The following EPS15L1 variants were observed in gnomAD, a reference collection of about 807,000 sequenced individuals.
EPS15L1 encodes epidermal growth factor receptor substrate 15-like 1.
A neutral mutation model predicts 117.1 loss-of-function variants in EPS15L1; 43 were observed. The observed-to-expected ratio is 0.37, with a 90% CI of 0.29 to 0.47. The LOEUF is 0.47. Ranked by LOEUF, EPS15L1 falls within the 20% of genes least tolerant of loss-of-function variation. The pLI is 0.99. For synonymous variants in EPS15L1, 459 were observed against 470.5 expected, an observed-to-expected ratio of 0.98 and a Z score of 0.32; for missense variants, 981 against 1,164.0, an observed-to-expected ratio of 0.84 and a Z score of 2.29.
chr19:16,361,562 G>T, intron 23 of EPS15L1: 4 of 1,308,018 alleles, frequency 3.1e-6, no homozygotes, highest in Non-Finnish European at 3.9e-6. Context: ...GTGCCCTTAT[G>T]ATAGAGCATC....
chr19:16,439,071 TC>T (rs1415077392), intron 4 of EPS15L1, among the ~76,000 whole-genome samples: 14 of 139,248 alleles, frequency 1.0e-4, no homozygotes, highest in South Asian at 9.2e-4. Flanking sequence ...TTGTTTTTTT[TC>T]TGTTTTTTTT....
At chr19:16,367,984 A>AGAGAGT (rs751127564) in intron 22 of EPS15L1, among the ~76,000 whole-genome samples, 7 of 151,292 alleles carry the variant, frequency 4.6e-5, no homozygotes, top group Admixed American at 2.6e-4. Context: ...AGAGAGAGAG[A>AGAGAGT]GTGTGTGTGT....
At chr19:16,364,358 G>A (rs554322600) in intron 22 of EPS15L1, among the ~76,000 whole-genome samples, 5 of 152,304 alleles carry the variant, frequency 3.3e-5, no homozygotes, top group South Asian at 2.1e-4. Context: ...CTCTCCTTCC[G>A]ACAGCGCCTG....
intron 16 of EPS15L1, chr19:16,401,534 C>T (rs878999621): frequency 2.0e-6 from 2 of 985,656 alleles, no homozygotes; most frequent in Non-Finnish European, 2.4e-6. Flanking sequence ...CATGCGCGGC[C>T]CGGCCCATCC....
chr19:16,400,696 A>G (rs2092591907), intron 16 of EPS15L1: 1 of 985,344 alleles, frequency 1.0e-6, no homozygotes, highest in Non-Finnish European at 1.2e-6. Flanking sequence ...GCCAGTTGCA[A>G]GTTTCCATGT....
intron 22 of EPS15L1, 134 bp downstream of exon 22, chr19:16,376,988 G>T: frequency 8.7e-7 from 1 of 1,149,484 alleles, no homozygotes; most frequent in Non-Finnish European, 1.2e-6. Context: ...CAGCTGGGCC[G>T]GGGGGACCCT....
rs759781225 is a variant in EPS15L1, at chr19:16,404,582, A to C, written c.1428+6T>G. 3.1e-6 allele frequency: 5 copies of C among 1,613,786 alleles called. No homozygotes were observed. The highest frequency in any genetic ancestry group is 4.2e-6 in the Non-Finnish European group (5 of 1,179,974). The stretch of plus-strand genomic sequence containing the variant: ...GGGCGCTGCCCCGGAGGTGGCCGGG[A>C]CCCACCATCTGAGTCTCATCCTGGC... On this transcript the variant is annotated splice_donor_region_variant and intron_variant, in intron 14 of 23. Coordinates refer to ENST00000455140, the MANE Select transcript of EPS15L1 (RefSeq NM_001258374.3). This position sits in a 1 kb window ranked among gnomAD's most constrained non-coding sequence, Gnocchi z 4.2.
At chr19:16,421,248 C>T in intron 10 of EPS15L1, 71 bp downstream of exon 10, 1 of 1,517,074 alleles carries the variant, frequency 6.6e-7, no homozygotes, top group Non-Finnish European at 8.9e-7. Context: ...CTGACCACCA[C>T]CCTCCACAGT....
At chr19:16,458,126 C>T (rs2093214487) in intron 1 of EPS15L1, among the ~76,000 whole-genome samples, 1 of 152,148 alleles carries the variant, frequency 6.6e-6, no homozygotes, top group Admixed American at 6.5e-5. Context: ...GTGTTCCTGA[C>T]AGTGGGGGGT....
intron 16 of EPS15L1, 146 bp from the exon 17 acceptor site, chr19:16,395,613 G>A: frequency 1.2e-6 from 1 of 858,542 alleles, no homozygotes; most frequent in Non-Finnish European, 1.8e-6. Context: ...GGCTGGCCTG[G>A]GCAACATAGC....
intron 9 of EPS15L1, among the ~76,000 whole-genome samples, chr19:16,422,298 GGGCA>G: frequency 6.6e-6 from 1 of 152,322 alleles, no homozygotes; most frequent in African/African-American, 2.4e-5. Context: ...AGGCACTCAG[GGGCA>G]GGCCCCTTCC....
intron 6 of EPS15L1, chr19:16,435,060 C>CA (rs1169491164): frequency 6.6e-6 from 1 of 152,122 alleles, no homozygotes; most frequent in Non-Finnish European, 1.5e-5. Flanking sequence ...TCTCGTGCCT[C>CA]AGCACTCGTA....
At chr19:16,461,063 T>G (rs956857920) in intron 1 of EPS15L1, among the ~76,000 whole-genome samples, 68 of 152,016 alleles carry the variant, frequency 4.5e-4, no homozygotes, top group Admixed American at 2.0e-3. Context: ...CCCAGCACTT[T>G]GGGAGGCCGA....
At chr19:16,413,648 C>G in intron 13 of EPS15L1, 125 bp downstream of exon 13, 1 of 820,960 alleles carries the variant, frequency 1.2e-6, no homozygotes, top group Non-Finnish European at 2.0e-6. Context: ...TTCTGCAGCC[C>G]CCAAGAGCTC....
rs2092382015 is a variant in EPS15L1, at chr19:16,383,221, G to A, written c.2247+1908C>T. The stretch of plus-strand genomic sequence containing the variant: ...TGGCCCGGCACCGCCAATAGGAAGT[G>A]AGACCGGCTCTGAAATCACAGCTGC... On this transcript the variant is annotated intron_variant, in intron 21 of 23. Coordinates refer to ENST00000455140, the MANE Select transcript of EPS15L1 (RefSeq NM_001258374.3). This position sits in a 1 kb window ranked among gnomAD's most constrained non-coding sequence, Gnocchi z 5.2. 6.6e-6 allele frequency: 1 copy of A among 152,174 alleles called. No homozygotes were observed. Among genetic ancestry groups the A allele is most frequent in the Non-Finnish European group, 1.5e-5 (1 of 68,058 alleles). The allele number at this position is 152,174 out of a possible 1,614,324, so 9.4% of individuals were successfully genotyped here.
chr19:16,382,191 C>T (rs1568403682), intron 21 of EPS15L1, among the ~76,000 whole-genome samples: 1 of 152,214 alleles, frequency 6.6e-6, no homozygotes, highest in Non-Finnish European at 1.5e-5. Flanking sequence ...AGGCGACAGG[C>T]TTTCAATAAA....
At chr19:16,372,351 C>T (rs1208852929) in intron 22 of EPS15L1, among the ~76,000 whole-genome samples, 1 of 152,184 alleles carries the variant, frequency 6.6e-6, no homozygotes, top group African/African-American at 2.4e-5. Context: ...CTCAATTGAC[C>T]TTTAAACAAA....
intron 16 of EPS15L1, 60 bp from the exon 17 acceptor site, chr19:16,395,527 C>G: frequency 6.6e-7 from 1 of 1,521,438 alleles, no homozygotes; most frequent in Non-Finnish European, 9.1e-7. Context: ...AAGCAAAGTA[C>G]GGAATTCCAT....
chr19:16,361,728 G>A (rs1214814592), intron 23 of EPS15L1, 51 bp downstream of exon 23: 3 of 1,550,944 alleles, frequency 1.9e-6, no homozygotes, highest in Non-Finnish European at 2.6e-6. Flanking sequence ...TCCCAGGGAA[G>A]CTGCAAGCGG....
Sources: gnomAD v4.1 joint callset for allele counts (sites outside exome capture counted in the v4.1 genomes callset) on GRCh38, gnomAD v4.1.1 for gene constraint, Gnocchi (gnomAD v3.1) non-coding constraint, MANE v1.5 for transcripts, NCBI Gene and HGNC (gene_info 2026-07-23, HGNC 2026-07-21) for gene names.